The following ATP11B variants were observed in gnomAD, a reference collection of about 807,000 sequenced individuals.
ATP11B encodes the protein phospholipid-transporting ATPase IF.
A neutral mutation model predicts 157.8 loss-of-function variants in ATP11B; 81 were observed. The ratio of observed to expected loss-of-function variants is 0.51; its 90% CI spans 0.43 to 0.62. The LOEUF (loss-of-function observed/expected upper bound fraction) is 0.62. ATP11B is among the 20% of genes least tolerant of loss of function. The pLI is 0.00. For missense variants in ATP11B, 1,165 were observed against 1,402.2 expected (o/e 0.83, Z 2.70); for synonymous variants, 451 against 469.4 (o/e 0.96, Z 0.51).
rs949127227 is a variant in ATP11B, at chr3:182,812,979, C to T, written c.28-7281C>T. On this transcript the variant is annotated intron_variant, in intron 1 of 29. Transcript: ENST00000323116. ...GGAATCATACAATATTTGTCATTTT[C>T]TGACTGGCTTATTTTACTTAGCATA... Among the ~76,000 whole-genome samples the T allele has an allele frequency of 3.3e-5, 5 of 152,162 alleles. No individual in the cohort carries two copies. In the South Asian group the frequency reaches 8.3e-4, roughly 25 times the overall value.
In ATP11B at chr3:182,845,001, T is replaced by A. The variant is rs13067973; in HGVS notation, c.705-457T>A. On this transcript the variant is annotated intron_variant, in intron 8 of 29. Transcript: ENST00000323116. ...GGCAGCCTTTTTTTTTTTATTTTTT[T>A]TTTTATTTTTTTTTATTTTTGAGAT... 5.5e-3 allele frequency among the ~76,000 whole-genome samples: 611 copies of A among 110,536 alleles called. 15 individuals carry two copies. Among genetic ancestry groups the A allele is most frequent in the African/African-American group, 0.023 (568 of 24,654 alleles). The allele number at this position is 110,536 out of a possible 152,430, so 72.5% of individuals were successfully genotyped here.
intron 10 of ATP11B, among the ~76,000 whole-genome samples, chr3:182,849,940 C>T (rs1719839405): frequency 6.6e-6 from 1 of 152,014 alleles, no homozygotes; most frequent in African/African-American, 2.4e-5. Context: ...TATAAAGAAA[C>T]CCACACCAAA....
chr3:182,908,196 C>CTTTTTTTTTTTTTT (rs10716562), intron 28 of ATP11B, among the ~76,000 whole-genome samples: 107 of 70,718 alleles, frequency 1.5e-3, no homozygotes, highest in Middle Eastern at 0.013. Flanking sequence ...TTATTATTTT[C>CTTTTTTTTTTTTTT]TTTTTTTTTT....
Position 182,873,950 on chromosome 3 carries a change from C to T in ATP11B, c.2187C>T (p.Ile729=). ...SCGHFHRTMN[I]LELINQKSDS... is the part of the protein sequence containing the mutation. ...GCCATTTTCATAGAACCATGAACATCCTTGAACTTATAAACCAGAAATCAG... is the reference window on the plus strand; with the variant it reads ...GCCATTTTCATAGAACCATGAACATTCTTGAACTTATAAACCAGAAATCAG... The change falls in exon 19 of 30, where the codon ATC becomes ATT. Residue 729 remains isoleucine, a synonymous_variant. Transcript: ENST00000323116. 1.2e-6 allele frequency: 2 copies of T among 1,614,070 alleles called. No individual in the cohort carries two copies. Among genetic ancestry groups the T allele is most frequent in the Non-Finnish European group, 1.7e-6 (2 of 1,179,994 alleles).
In ATP11B at chr3:182,872,548, G is replaced by T; in HGVS notation, c.2048+11G>T. ...AGCAGTAGAAGACAGGTAAGTATCA[G>T]ATAATTAAAAAATATTACTTTTCTC... On this transcript the variant is annotated intron_variant, in intron 18 of 29. Transcript: ENST00000323116. The T allele has an allele frequency of 6.4e-7, 1 of 1,562,164 alleles. No homozygotes were observed. Among genetic ancestry groups the T allele is most frequent in the Non-Finnish European group, 8.6e-7 (1 of 1,157,314 alleles).
At chr3:182,804,674 A>C (rs1716216769) in intron 1 of ATP11B, among the ~76,000 whole-genome samples, 1 of 152,140 alleles carries the variant, frequency 6.6e-6, no homozygotes, top group Non-Finnish European at 1.5e-5. Context: ...TATATGATTC[A>C]GTTTTTTTCT....
intron 21 of ATP11B, among the ~76,000 whole-genome samples, chr3:182,883,603 G>A (rs1185737203): frequency 2.7e-5 from 4 of 150,802 alleles, no homozygotes; most frequent in African/African-American, 9.7e-5. Context: ...ACGTGTTTTT[G>A]TATGTATGAA....
chr3:182,905,986 G>T, intron 28 of ATP11B: 1 of 401,354 alleles, frequency 2.5e-6, no homozygotes, highest in South Asian at 1.8e-5. Flanking sequence ...GGCATGTCAT[G>T]GGACACCTGA....
intron 2 of ATP11B, among the ~76,000 whole-genome samples, chr3:182,820,882 A>G (rs1247165849): frequency 6.6e-6 from 1 of 152,202 alleles, no homozygotes; most frequent in Admixed American, 6.5e-5. Flanking sequence ...AGTTGCTAGT[A>G]AACTAAGGAA....
chr3:182,867,145 T>A (rs12492927), intron 14 of ATP11B, among the ~76,000 whole-genome samples: 79,487 of 151,394 alleles, frequency 0.53, 23,729 homozygotes, highest in Non-Finnish European at 0.68. Context: ...GCCAGACTGG[T>A]CTTGAACTCC....
intron 18 of ATP11B, 43 bp from the exon 19 acceptor site, chr3:182,873,768 CA>C: frequency 6.7e-7 from 1 of 1,500,080 alleles, no homozygotes; most frequent in Non-Finnish European, 9.3e-7. Context: ...AAAATACAGT[CA>C]TAAAAGTATT....
At chr3:182,850,213 C>G (rs1719864319) in intron 10 of ATP11B, among the ~76,000 whole-genome samples, 1 of 152,202 alleles carries the variant, frequency 6.6e-6, no homozygotes, top group Non-Finnish European at 1.5e-5. Context: ...TGGCTCATGC[C>G]TGTAATCCTA....
intron 1 of ATP11B, among the ~76,000 whole-genome samples, chr3:182,804,005 A>G (rs1485246923): frequency 1.3e-5 from 2 of 151,960 alleles, no homozygotes; most frequent in Non-Finnish European, 2.9e-5. Context: ...TCTTTTTACA[A>G]TTATACTGAA....
intron 2 of ATP11B, among the ~76,000 whole-genome samples, chr3:182,822,073 A>T (rs1037191111): frequency 9.2e-5 from 14 of 151,788 alleles, no homozygotes; most frequent in African/African-American, 3.1e-4. Context: ...GTCAGAATCC[A>T]GGATAATGGA....
At chr3:182,874,050 G>A in intron 19 of ATP11B, 35 bp downstream of exon 19, 1 of 1,584,900 alleles carries the variant, frequency 6.3e-7, no homozygotes, top group Non-Finnish European at 8.6e-7. Context: ...TACCTTTCAG[G>A]GGTTAGCAAA....
At chr3:182,867,488 A>T (rs767023744) in intron 15 of ATP11B, 44 bp downstream of exon 15, 1 of 1,318,162 alleles carries the variant, frequency 7.6e-7, no homozygotes, top group Admixed American at 1.7e-5. Flanking sequence ...TGTTAAGTGT[A>T]TATAGTATAG....
At chr3:182,864,433 C>A (rs1392798525) in intron 12 of ATP11B, among the ~76,000 whole-genome samples, 1 of 152,004 alleles carries the variant, frequency 6.6e-6, no homozygotes, top group South Asian at 2.1e-4. Context: ...CCTTTTTATT[C>A]CAGTTTGTTG....
At position 182,919,728 on chromosome 3, in the gene ATP11B, T is replaced by A. The variant is rs1725347160; in HGVS notation, c.*1624T>A. The A allele has an allele frequency of 6.6e-6, 1 of 152,218 alleles. No individual in the cohort carries two copies. Among genetic ancestry groups the A allele is most frequent in the African/African-American group, 2.4e-5 (1 of 41,466 alleles). The allele number at this position is 152,218 out of a possible 1,614,324, so 9.4% of individuals were successfully genotyped here. Reference sequence around the variant, plus strand: ...AATGGTAGAGACAGAAATTAAGACTTTATCCTTGTTTGCTTGTAAACTATT... The same window carrying A: ...AATGGTAGAGACAGAAATTAAGACTATATCCTTGTTTGCTTGTAAACTATT... On this transcript the variant is annotated 3_prime_UTR_variant, in exon 30 of 30. Transcript: ENST00000323116.
intron 21 of ATP11B, among the ~76,000 whole-genome samples, chr3:182,883,847 T>C (rs916340974): frequency 7.5e-5 from 11 of 145,976 alleles, no homozygotes; most frequent in Admixed American, 5.5e-4. Context: ...CCCAGCTACT[T>C]GGGAGGCTGA....
Sources: gnomAD v4.1 joint callset for allele counts (sites outside exome capture counted in the v4.1 genomes callset) on GRCh38, gnomAD v4.1.1 for gene constraint, MANE v1.5 for transcripts, NCBI Gene and HGNC (gene_info 2026-07-23, HGNC 2026-07-21) for gene names.